Variants in ALK observed in about 807,000 individuals in gnomAD.
ALK encodes the protein ALK receptor tyrosine kinase.
ALK carries 74 observed loss-of-function variants against 163.1 expected under a neutral mutation model. The ratio of observed to expected loss-of-function variants is 0.45; its 90% CI spans 0.38 to 0.55. The LOEUF (loss-of-function observed/expected upper bound fraction) is 0.55. Ranked by LOEUF, ALK falls within the 20% of genes least tolerant of loss-of-function variation. The pLI is 0.00. For missense variants in ALK, 2,063 were observed against 2,105.3 expected, an observed-to-expected ratio of 0.98 and a Z score of 0.39; for synonymous variants, 960 against 843.2, an observed-to-expected ratio of 1.14 and a Z score of -2.40.
intron 4 of ALK, among the ~76,000 whole-genome samples, chr2:29,505,340 G>A (rs906792716): frequency 1.3e-5 from 2 of 152,178 alleles, no homozygotes; most frequent in Admixed American, 6.5e-5. Context: ...TGGTGCCTGA[G>A]TGAATGTGCT....
At chr2:29,680,143 A>T (rs1678019092) in intron 3 of ALK, among the ~76,000 whole-genome samples, 1 of 151,838 alleles carries the variant, frequency 6.6e-6, no homozygotes, top group Non-Finnish European at 1.5e-5. Flanking sequence ...TATGATGATG[A>T]TATGTCTAGA....
intron 9 of ALK, among the ~76,000 whole-genome samples, chr2:29,285,819 T>G (rs530869447): frequency 1.6e-4 from 24 of 152,328 alleles, no homozygotes; most frequent in African/African-American, 5.5e-4. Flanking sequence ...TGCCTTGGCC[T>G]CCCAAAGTGC....
intron 4 of ALK, among the ~76,000 whole-genome samples, chr2:29,422,534 A>C (rs983919476): frequency 6.6e-6 from 1 of 152,178 alleles, no homozygotes; most frequent in Non-Finnish European, 1.5e-5. Context: ...GCCTTAGTAC[A>C]TTGGGTGCTT....
intron 20 of ALK, 95 bp from the exon 21 acceptor site, chr2:29,222,702 CAA>C: frequency 9.4e-7 from 1 of 1,064,940 alleles, no homozygotes; most frequent in Non-Finnish European, 1.4e-6. Context: ...ATTTAGTGGA[CAA>C]ACACGAGAGG....
intron 4 of ALK, among the ~76,000 whole-genome samples, chr2:29,483,228 G>A (rs1017553615): frequency 2.2e-4 from 34 of 152,190 alleles, no homozygotes; most frequent in African/African-American, 8.0e-4. Flanking sequence ...TTATCTCAAT[G>A]GTGTTAAACC....
chr2:29,322,609 A>G (rs901685524), intron 6 of ALK, among the ~76,000 whole-genome samples: 1 of 152,176 alleles, frequency 6.6e-6, no homozygotes, highest in Non-Finnish European at 1.5e-5. Context: ...TGAGGCAGGC[A>G]GATCACCTGA....
intron 3 of ALK, among the ~76,000 whole-genome samples, chr2:29,578,591 G>A (rs955486999): frequency 2.0e-5 from 3 of 152,186 alleles, no homozygotes; most frequent in Non-Finnish European, 4.4e-5. Context: ...CCATGTGAAG[G>A]CATTCTCTGG....
chr2:29,233,713 C>T lies in ALK; in HGVS notation c.2356-17G>A. 1.2e-6 allele frequency: 2 copies of T among 1,614,196 alleles called. No homozygotes were observed. The highest frequency in any genetic ancestry group is 1.3e-5 in the African/African-American group (1 of 75,058). On this transcript the variant is annotated splice_polypyrimidine_tract_variant and intron_variant, in intron 13 of 28. Coordinates refer to ENST00000389048, the MANE Select transcript of ALK (RefSeq NM_004304.5). ...CTGGTTTGTCTGTAGAAACAAAAAGCACGTTAGGTTTGTGGCCAAACCAGA... is the reference window on the plus strand; with the variant it reads ...CTGGTTTGTCTGTAGAAACAAAAAGTACGTTAGGTTTGTGGCCAAACCAGA...
chr2:29,907,330 C>A (rs1230505952), intron 1 of ALK: 1 of 152,198 alleles, frequency 6.6e-6, no homozygotes, highest in Non-Finnish European at 1.5e-5. Flanking sequence ...TGCTGCTGAA[C>A]CCTCTGACAT....
intron 4 of ALK, among the ~76,000 whole-genome samples, chr2:29,500,227 A>G (rs1425800720): frequency 7.9e-5 from 12 of 152,134 alleles, no homozygotes; most frequent in Admixed American, 6.5e-4. Context: ...TGGGGGTGGA[A>G]TCCTCATGAA....
At chr2:29,213,939 G>C (rs1426808862) in intron 24 of ALK, 45 bp downstream of exon 24, 12 of 1,532,468 alleles carry the variant, frequency 7.8e-6, no homozygotes, top group South Asian at 1.1e-5. Flanking sequence ...GAAGCACACA[G>C]ATCAGCGACA....
At chr2:29,332,845 G>A (rs1667485469) in intron 5 of ALK, among the ~76,000 whole-genome samples, 1 of 152,196 alleles carries the variant, frequency 6.6e-6, no homozygotes, top group South Asian at 2.1e-4. Flanking sequence ...TGCCTGCACT[G>A]CAGATTATTT....
intron 4 of ALK, among the ~76,000 whole-genome samples, chr2:29,414,095 T>G (rs2148324357): frequency 6.6e-6 from 1 of 152,342 alleles, no homozygotes; most frequent in Admixed American, 6.5e-5. Flanking sequence ...CATTGTGTTA[T>G]GAGGTTAGGA....
In ALK at chr2:29,246,188, T is replaced by C. The variant is rs1446669398; in HGVS notation, c.2204+4917A>G. On this transcript the variant is annotated intron_variant, in intron 12 of 28. Coordinates refer to ENST00000389048, the MANE Select transcript of ALK (RefSeq NM_004304.5). This position sits in a 1 kb window ranked among gnomAD's most constrained non-coding sequence, Gnocchi z 4.3. Reference sequence around the variant, plus strand: ...TGCGGGCTGAGAAGGATGCTGGTCCTAGACAGGTAGGAAGGCAGGCAGGCT... The same window carrying C: ...TGCGGGCTGAGAAGGATGCTGGTCCCAGACAGGTAGGAAGGCAGGCAGGCT... Among the ~76,000 whole-genome samples, 1 of 142,438 alleles carries C rather than the reference T, an allele frequency of 7.0e-6. No individual in the cohort carries two copies. The highest frequency in any genetic ancestry group is 1.5e-5 in the Non-Finnish European group (1 of 66,256). 93.4% of individuals were successfully genotyped at this position (142,438 alleles called of 152,430 possible). A position where few individuals can be genotyped will look rare whatever the true frequency, so the allele number is the denominator to read the frequency against.
intron 1 of ALK, among the ~76,000 whole-genome samples, chr2:29,885,421 CTGT>C (rs1405627900): frequency 3.9e-5 from 6 of 152,158 alleles, no homozygotes; most frequent in Non-Finnish European, 7.4e-5. Flanking sequence ...GAATATGCCA[CTGT>C]TGTTATAGAA....
chr2:29,629,130 G>C lies in ALK; in HGVS notation c.952+65720C>G, dbSNP rs569858214. On this transcript the variant is annotated intron_variant, in intron 3 of 28. Coordinates refer to ENST00000389048, the MANE Select transcript of ALK (RefSeq NM_004304.5). ...CACAAAGGCAATGGGGTCATATCTA[G>C]ACCTGAACACCGTTGGAGACTCGCT... Among the ~76,000 whole-genome samples, 482 of 152,274 alleles carry C rather than the reference G, an allele frequency of 3.2e-3. 4 individuals are homozygous for C. Among genetic ancestry groups the C allele is most frequent in the African/African-American group, 0.011 (464 of 41,560 alleles).
At chr2:29,463,393 T>C (rs1671132988) in intron 4 of ALK, among the ~76,000 whole-genome samples, 2 of 152,202 alleles carry the variant, frequency 1.3e-5, no homozygotes, top group Non-Finnish European at 2.9e-5. Flanking sequence ...AATATGAAAG[T>C]CTGTTCTTTG....
chr2:29,396,447 G>A (rs1311259965), intron 4 of ALK, among the ~76,000 whole-genome samples: 3 of 152,082 alleles, frequency 2.0e-5, no homozygotes, highest in Non-Finnish European at 4.4e-5. Context: ...AGGCCGAGGT[G>A]GGCGGATCAC....
At chr2:29,506,193 C>T (rs769455898) in intron 4 of ALK, among the ~76,000 whole-genome samples, 6 of 152,200 alleles carry the variant, frequency 3.9e-5, no homozygotes, top group Non-Finnish European at 8.8e-5. Flanking sequence ...GTACAGAGTT[C>T]TCAGATCAGG....
Sources: allele counts gnomAD v4.1 joint callset (sites outside exome capture counted in the v4.1 genomes callset), GRCh38; gene constraint gnomAD v4.1.1; non-coding constraint Gnocchi (gnomAD v3.1); transcripts MANE v1.5; gene names NCBI Gene and HGNC (gene_info 2026-07-23, HGNC 2026-07-21).